THRAP3: variants seen among roughly 807,000 people sequenced by gnomAD.
THRAP3 encodes the protein thyroid hormone receptor-associated protein 3.
Under a neutral mutation model 101.0 loss-of-function variants are expected in THRAP3, and 16 were observed. The observed-to-expected ratio is 0.16, with a 90% CI of 0.11 to 0.24. The LOEUF (loss-of-function observed/expected upper bound fraction) is 0.24. Ranked by LOEUF, THRAP3 falls within the 10% of genes least tolerant of loss-of-function variation. The probability of loss-of-function intolerance (pLI) is 1.00; values close to 1 mark genes in which losing one functional copy is unlikely to be tolerated. For missense variants in THRAP3, 989 were observed against 1,202.7 expected (o/e 0.82, Z 2.63); for synonymous variants, 407 against 422.6 (o/e 0.96, Z 0.45).
intron 1 of THRAP3, among the ~76,000 whole-genome samples, chr1:36,255,425 C>G (rs1645360337): frequency 6.7e-6 from 1 of 150,142 alleles, no homozygotes; most frequent in East Asian, 2.0e-4. Flanking sequence ...GGCAGGTGTT[C>G]GAAACCAGCC....
intron 1 of THRAP3, among the ~76,000 whole-genome samples, chr1:36,232,877 A>G (rs1392870703): frequency 1.1e-5 from 1 of 90,564 alleles, no homozygotes; most frequent in Admixed American, 1.8e-4. Context: ...ATCGAACTGT[A>G]TCTTTTTTTT....
At chr1:36,271,815 A>T (rs1645595570) in intron 2 of THRAP3, among the ~76,000 whole-genome samples, 1 of 151,144 alleles carries the variant, frequency 6.6e-6, no homozygotes, top group African/African-American at 2.4e-5. Context: ...GCTGGTCTTG[A>T]ACTCCCAACC....
At chr1:36,216,778 C>G in the THRAP3 span, among the ~76,000 whole-genome samples, 1 of 152,020 alleles carries the variant, frequency 6.6e-6, no homozygotes, top group African/African-American at 2.4e-5. Flanking sequence ...GACTCTGTCT[C>G]AAAAACAAAT....
upstream of THRAP3, among the ~76,000 whole-genome samples, chr1:36,221,169 A>T (rs1366608848): frequency 6.9e-6 from 1 of 144,602 alleles, no homozygotes; most frequent in Non-Finnish European, 1.5e-5. Context: ...TCTGGGTGAC[A>T]GAGTGAGACC....
rs567894404 is a variant in THRAP3 at position 36,231,980 on chromosome 1, G to T, written c.-135+7475G>T. Among the ~76,000 whole-genome samples, 3 of 152,274 alleles carry T rather than the reference G, an allele frequency of 2.0e-5. No individual in the cohort carries two copies. The East Asian group carries it at 5.8e-4, about 29-fold the overall frequency. ...GCCTGTAATCCCAGCACTTTGGGAGGCTGAGGTGGGTGGATCACTTGAGGT... is the reference window on the plus strand; with the variant it reads ...GCCTGTAATCCCAGCACTTTGGGAGTCTGAGGTGGGTGGATCACTTGAGGT... On this transcript the variant is annotated intron_variant, in intron 1 of 11. Coordinates refer to ENST00000354618, the MANE Select transcript of THRAP3 (RefSeq NM_005119.4).
intron 8 of THRAP3, among the ~76,000 whole-genome samples, chr1:36,295,955 T>A (rs940117125): frequency 1.4e-4 from 3 of 21,858 alleles, no homozygotes; most frequent in African/African-American, 6.0e-4. Context: ...CCTTCTCAAC[T>A]TTTTTTTTTT....
chr1:36,252,927 CAT>C (rs71053916), intron 1 of THRAP3, among the ~76,000 whole-genome samples: 10,898 of 75,534 alleles, frequency 0.14, 648 homozygotes, highest in Non-Finnish European at 0.17. Flanking sequence ...TATAGATAGG[CAT>C]ATATATATAT....
upstream of THRAP3, among the ~76,000 whole-genome samples, chr1:36,220,947 C>T (rs1350262957): frequency 2.2e-5 from 2 of 91,662 alleles, no homozygotes; most frequent in East Asian, 5.9e-4. Context: ...CAGAGTGAGA[C>T]TGTCTCAAAA....
chr1:36,261,540 G>A (rs1219199423), intron 2 of THRAP3, among the ~76,000 whole-genome samples: 1 of 151,928 alleles, frequency 6.6e-6, no homozygotes, highest in African/African-American at 2.4e-5. Flanking sequence ...CTCAAAAAAA[G>A]TAAAAATAAA....
At chr1:36,301,977 C>G (rs1350864659) in intron 11 of THRAP3, among the ~76,000 whole-genome samples, 4 of 152,178 alleles carry the variant, frequency 2.6e-5, no homozygotes, top group Non-Finnish European at 5.9e-5. Flanking sequence ...TACTGCTCAC[C>G]CACCACCAAC....
intron 1 of THRAP3, among the ~76,000 whole-genome samples, chr1:36,248,951 G>A (rs1488323562): frequency 2.7e-5 from 4 of 149,550 alleles, no homozygotes; most frequent in South Asian, 4.2e-4. Flanking sequence ...CCAGGCTGGA[G>A]TGCAGTGGCG....
intron 1 of THRAP3, among the ~76,000 whole-genome samples, chr1:36,250,686 C>T (rs150754416): frequency 5.3e-5 from 8 of 150,422 alleles, no homozygotes; most frequent in Admixed American, 6.6e-5. Flanking sequence ...CTGAAGCGGG[C>T]GGATCACTTG....
chr1:36,224,883 C>T (rs1053950418), intron 1 of THRAP3: 1 of 152,410 alleles, frequency 6.6e-6, no homozygotes, highest in Non-Finnish European at 1.5e-5. Context: ...TTCCCCCCAC[C>T]CAGTCCCCAT....
chr1:36,295,918 C>G (rs1211105249), intron 8 of THRAP3, among the ~76,000 whole-genome samples: 1 of 148,736 alleles, frequency 6.7e-6, no homozygotes, highest in African/African-American at 2.5e-5. Context: ...CCAGCCCAAC[C>G]ACCTACTTTT....
In THRAP3 at chr1:36,303,993, C is replaced by T; in HGVS notation, c.2844C>T (p.Asp948=). The change falls in exon 12 of 12, where the codon GAC becomes GAT. Residue 948 remains aspartate (D), a synonymous_variant. Transcript: ENST00000354618. ...ESGTENREEK[D]NIQPTTE is the part of the protein sequence containing the mutation. ...GGACAGAGAACCGAGAAGAGAAGGA[C>T]AATATACAGCCCACAACCGAGTAGG... 6.3e-7 allele frequency: 1 copy of T among 1,585,344 alleles called. No individual in the cohort carries two copies. The highest frequency in any genetic ancestry group is 8.6e-7 in the Non-Finnish European group (1 of 1,166,250).
chr1:36,256,571 G>A (rs566478197), intron 1 of THRAP3, among the ~76,000 whole-genome samples: 1 of 152,040 alleles, frequency 6.6e-6, no homozygotes. Context: ...TTCTATTTGT[G>A]ACCCATTAAA....
At chr1:36,256,899 G>A (rs1051318131) in intron 1 of THRAP3, among the ~76,000 whole-genome samples, 3 of 151,582 alleles carry the variant, frequency 2.0e-5, no homozygotes, top group African/African-American at 7.3e-5. Context: ...AGGTTCAAGT[G>A]ATTCTCCTGC....
At chr1:36,208,628 A>G in the THRAP3 span, among the ~76,000 whole-genome samples, 1 of 152,186 alleles carries the variant, frequency 6.6e-6, no homozygotes, top group Admixed American at 6.6e-5. Context: ...TTTATTGTGT[A>G]GTTTTCTTTT....
chr1:36,296,376 G>A (rs550727907), intron 8 of THRAP3, among the ~76,000 whole-genome samples: 63 of 152,130 alleles, frequency 4.1e-4, no homozygotes, highest in Non-Finnish European at 7.6e-4. Context: ...TCATTGTTTT[G>A]GAGGACTGGC....
Sources: gnomAD v4.1 joint callset for allele counts (sites outside exome capture counted in the v4.1 genomes callset) on GRCh38, gnomAD v4.1.1 for gene constraint, MANE v1.5 for transcripts, NCBI Gene and HGNC (gene_info 2026-07-23, HGNC 2026-07-21) for gene names.